The following NELL1 variants were observed in gnomAD, a reference collection of about 807,000 sequenced individuals.
The protein encoded by NELL1 is neural EGFL like 1, also known as protein kinase C-binding protein NELL1.
Under a neutral mutation model 107.4 loss-of-function variants are expected in NELL1, and 76 were observed. That is an observed-to-expected ratio of 0.71 (90% CI 0.59 to 0.86). The LOEUF (loss-of-function observed/expected upper bound fraction) is 0.86, where lower values mean the gene tolerates loss of function less well. NELL1 is among the 40% of genes least tolerant of loss of function. The probability of loss-of-function intolerance (pLI) is 0.00; values close to 1 mark genes in which losing one functional copy is unlikely to be tolerated. For synonymous variants in NELL1, 353 were observed against 341.2 expected (o/e 1.03, Z -0.38); for missense variants, 1,024 against 1,005.5 (o/e 1.02, Z -0.25).
intron 3 of NELL1, among the ~76,000 whole-genome samples, chr11:20,844,059 T>C (rs939669653): frequency 6.6e-6 from 1 of 152,186 alleles, no homozygotes; most frequent in Non-Finnish European, 1.5e-5. Context: ...GGAAAGTCAG[T>C]GTAGGCGTAG....
intron 14 of NELL1, among the ~76,000 whole-genome samples, chr11:21,252,884 C>T (rs541095040): frequency 3.2e-4 from 48 of 152,214 alleles, no homozygotes; most frequent in African/African-American, 9.9e-4. Context: ...CATTCTGTGG[C>T]CTCTCAGCAC....
chr11:20,899,324 G>A (rs745354453), intron 5 of NELL1, among the ~76,000 whole-genome samples: 1 of 152,100 alleles, frequency 6.6e-6, no homozygotes, highest in Non-Finnish European at 1.5e-5. Flanking sequence ...GAAATAAATA[G>A]TGAAAAGATA....
At chr11:21,519,920 T>C (rs997312116) in intron 15 of NELL1, among the ~76,000 whole-genome samples, 4 of 152,182 alleles carry the variant, frequency 2.6e-5, no homozygotes, top group Non-Finnish European at 5.9e-5. Flanking sequence ...CTTTCATACA[T>C]AGTTCATAAG....
chr11:20,701,852 T>TG (rs1327514466), intron 2 of NELL1, among the ~76,000 whole-genome samples: 1 of 152,194 alleles, frequency 6.6e-6, no homozygotes, highest in African/African-American at 2.4e-5. Context: ...GGCTCTGTTC[T>TG]GTTCCATTGG....
At position 21,437,894 on chromosome 11, in the gene NELL1, A is replaced by G. The variant is rs528784590; in HGVS notation, c.1645+66946A>G. On this transcript the variant is annotated intron_variant, in intron 15 of 19. Transcript: ENST00000357134. Reference sequence around the variant, plus strand: ...GGAAAACTTAAATTATTTGCATTCAAGGTTGTTAGTGATAGGTGAAAAGTT... The same window carrying G: ...GGAAAACTTAAATTATTTGCATTCAGGGTTGTTAGTGATAGGTGAAAAGTT... 3.3e-5 allele frequency among the ~76,000 whole-genome samples: 5 copies of G among 152,256 alleles called. No homozygotes were observed. In the South Asian group the frequency reaches 1.0e-3, roughly 32 times the overall value.
intron 15 of NELL1, among the ~76,000 whole-genome samples, chr11:21,463,285 GT>G: frequency 6.6e-6 from 1 of 152,062 alleles, no homozygotes; most frequent in East Asian, 1.9e-4. Context: ...ATCTGGTGGT[GT>G]TTGGAGAGTT....
At chr11:20,892,554 A>C (rs1392405641) in intron 5 of NELL1, among the ~76,000 whole-genome samples, 1 of 152,208 alleles carries the variant, frequency 6.6e-6, no homozygotes, top group Non-Finnish European at 1.5e-5. Flanking sequence ...GACCGGAAAC[A>C]CCATTTGACC....
chr11:21,520,772 C>A (rs966063728), intron 15 of NELL1, among the ~76,000 whole-genome samples: 1 of 152,224 alleles, frequency 6.6e-6, no homozygotes, highest in Non-Finnish European at 1.5e-5. Flanking sequence ...CTGCTCCTTA[C>A]CTCATGCTGA....
chr11:21,266,797 A>T (rs1037883774), intron 14 of NELL1, among the ~76,000 whole-genome samples: 1 of 152,060 alleles, frequency 6.6e-6, no homozygotes. Context: ...CTCACTCATA[A>T]GAATTGTTAT....
chr11:21,341,205 C>G (rs545494914), intron 14 of NELL1, among the ~76,000 whole-genome samples: 32 of 152,220 alleles, frequency 2.1e-4, no homozygotes, highest in African/African-American at 6.7e-4. Context: ...ATTCGTAAGA[C>G]CACTAGAAAT....
chr11:20,788,917 T>A (rs1469796504), intron 3 of NELL1, among the ~76,000 whole-genome samples: 1 of 152,208 alleles, frequency 6.6e-6, no homozygotes, highest in African/African-American at 2.4e-5. Context: ...TTTTTATATA[T>A]CATGTGAGGT....
intron 14 of NELL1, among the ~76,000 whole-genome samples, chr11:21,308,206 C>A (rs79771541): frequency 1.3e-5 from 2 of 151,862 alleles, no homozygotes; most frequent in East Asian, 1.9e-4. Flanking sequence ...ATAATGTATG[C>A]GAAGGAGGCT....
intron 14 of NELL1, among the ~76,000 whole-genome samples, chr11:21,336,670 T>C (rs144524742): frequency 0.077 from 7,341 of 95,712 alleles, 399 homozygotes; most frequent in East Asian, 0.39. Context: ...TATATATATA[T>C]ATATACACAC....
intron 14 of NELL1, among the ~76,000 whole-genome samples, chr11:21,338,002 T>C (rs545923627): frequency 6.6e-6 from 1 of 152,014 alleles, no homozygotes; most frequent in South Asian, 2.1e-4. Context: ...CATCCTAAAC[T>C]GTGTGCCCTA....
chr11:21,381,723 T>C (rs1343734179), intron 15 of NELL1, among the ~76,000 whole-genome samples: 3 of 151,878 alleles, frequency 2.0e-5, no homozygotes, highest in African/African-American at 7.2e-5. Context: ...AAGTGTAAAG[T>C]GATTTTATTT....
intron 2 of NELL1, among the ~76,000 whole-genome samples, chr11:20,753,188 T>A (rs1054379578): frequency 6.6e-6 from 1 of 152,350 alleles, no homozygotes; most frequent in South Asian, 2.1e-4. Context: ...TCATCCAACT[T>A]CTATGCTATA....
At position 20,943,959 on chromosome 11, in the gene NELL1, G is replaced by A. The variant is rs147605074; in HGVS notation, c.1072-3377G>A. Reference sequence around the variant, plus strand: ...ATAAAAGGCCATGGAAGAGCTTTGGGACATAGTTAATGGATATTGTCAGCA... The same window carrying A: ...ATAAAAGGCCATGGAAGAGCTTTGGAACATAGTTAATGGATATTGTCAGCA... On this transcript the variant is annotated intron_variant, in intron 10 of 19. Transcript: ENST00000357134. Among the ~76,000 whole-genome samples, 657 of 152,280 alleles carry A rather than the reference G, an allele frequency of 4.3e-3. 3 individuals are homozygous for A. The highest frequency in any genetic ancestry group is 0.015 in the African/African-American group (612 of 41,556).
chr11:21,185,096 A>G (rs1337002147), intron 13 of NELL1, among the ~76,000 whole-genome samples: 2 of 151,522 alleles, frequency 1.3e-5, no homozygotes, highest in East Asian at 1.9e-4. Flanking sequence ...CCATCCATCC[A>G]TCTATACTTC....
chr11:21,248,674 C>T (rs552989855), intron 14 of NELL1, among the ~76,000 whole-genome samples: 2 of 152,204 alleles, frequency 1.3e-5, no homozygotes, highest in South Asian at 4.1e-4. Context: ...GTTCTTTTAC[C>T]CTGCTGCTAA....
Sources: gnomAD v4.1 joint callset for allele counts (sites outside exome capture counted in the v4.1 genomes callset) on GRCh38, gnomAD v4.1.1 for gene constraint, MANE v1.5 for transcripts, NCBI Gene and HGNC (gene_info 2026-07-23, HGNC 2026-07-21) for gene names.